The following TEX26 variants were observed in gnomAD, a reference collection of about 807,000 sequenced individuals.
TEX26 encodes testis expressed 26.
In TEX26, 34 loss-of-function variants were observed where a neutral mutation model predicts 35.3. That is an observed-to-expected ratio of 0.96 (90% CI 0.73 to 1.28). The LOEUF is 1.28. Among genes scored for constraint, TEX26 ranks in the 50% most tolerant of loss-of-function variants. TEX26 has a pLI of 0.00. For synonymous variants in TEX26, 136 were observed against 111.8 expected, an observed-to-expected ratio of 1.22 and a Z score of -1.36; for missense variants, 371 against 330.1, an observed-to-expected ratio of 1.12 and a Z score of -0.96.
At chr13:30,945,571 A>G (rs1042982042) in intron 2 of TEX26, among the ~76,000 whole-genome samples, 3 of 151,580 alleles carry the variant, frequency 2.0e-5, no homozygotes, top group African/African-American at 4.8e-5. Flanking sequence ...ATTCTGGTGT[A>G]TATTGACCTT....
chr13:30,958,898 T>A (rs371356336), intron 4 of TEX26, among the ~76,000 whole-genome samples: 51 of 152,322 alleles, frequency 3.3e-4, no homozygotes, highest in African/African-American at 1.2e-3. Flanking sequence ...CAGCCAATGT[T>A]TACTAAGCCC....
intron 3 of TEX26, 50 bp from the exon 4 acceptor site, chr13:30,956,823 A>C: frequency 6.6e-7 from 1 of 1,514,688 alleles, no homozygotes; most frequent in East Asian, 2.3e-5. Context: ...TATTGATCCT[A>C]TTGGGTGAAC....
rs571586073 is a variant in TEX26, at chr13:30,940,458, C to T, written c.146+680C>T. Reference sequence around the variant, plus strand: ...ACGCCATTCTCCTGCCTCAGCCTCCCGAGTAGCTGGGACTACAGGCGCCCG... The same window carrying T: ...ACGCCATTCTCCTGCCTCAGCCTCCTGAGTAGCTGGGACTACAGGCGCCCG... On this transcript the variant is annotated intron_variant, in intron 2 of 6. Transcript: ENST00000380473. 1.6e-3 allele frequency among the ~76,000 whole-genome samples: 243 copies of T among 150,470 alleles called. 2 individuals are homozygous for T. Among genetic ancestry groups the T allele is most frequent in the Non-Finnish European group, 1.9e-4 (13 of 67,706 alleles).
chr13:30,973,331 T>G (rs1049773223), intron 6 of TEX26: 1 of 152,212 alleles, frequency 6.6e-6, no homozygotes, highest in Non-Finnish European at 1.5e-5. Context: ...CTGGGAAAAC[T>G]TATCTTTGAT....
intron 2 of TEX26, among the ~76,000 whole-genome samples, chr13:30,940,364 C>CT (rs1215701131): frequency 3.7e-5 from 4 of 109,224 alleles, no homozygotes; most frequent in African/African-American, 1.4e-4. Flanking sequence ...GACAGAGTCT[C>CT]GCTCTGTCGC....
chr13:30,935,257 G>C (rs1356380830), intron 1 of TEX26, among the ~76,000 whole-genome samples: 3 of 152,262 alleles, frequency 2.0e-5, no homozygotes, highest in Non-Finnish European at 2.9e-5. Context: ...GAGGCAGACA[G>C]AGTCCTGGGT....
chr13:30,932,884 C>G lies in TEX26; in HGVS notation c.61+108C>G. 3 of 1,251,558 alleles carry G rather than the reference C, an allele frequency of 2.4e-6. No individual in the cohort carries two copies. In the South Asian group the frequency reaches 4.3e-5, roughly 18 times the overall value. 77.5% of individuals were successfully genotyped at this position (1,251,558 alleles called of 1,614,324 possible). ...TAGTATTTAAGGGTGTGGCATCGCT[C>G]TTAGGAGTATGCTCAACTGAGGAAA... On this transcript the variant is annotated intron_variant, in intron 1 of 6. Coordinates refer to ENST00000380473, the MANE Select transcript of TEX26 (RefSeq NM_152325.3).
chr13:30,954,454 T>C (rs1305415762), intron 3 of TEX26, among the ~76,000 whole-genome samples: 1 of 150,060 alleles, frequency 6.7e-6, no homozygotes. Context: ...TGTATTATTA[T>C]GTATAATTAG....
chr13:30,964,786 A>C (rs901795282), intron 4 of TEX26, among the ~76,000 whole-genome samples: 1 of 152,180 alleles, frequency 6.6e-6, no homozygotes, highest in Non-Finnish European at 1.5e-5. Context: ...AAGAGCGTGA[A>C]AGTGAGAGAG....
At chr13:30,957,713 G>A (rs937082494) in intron 4 of TEX26, among the ~76,000 whole-genome samples, 1 of 152,162 alleles carries the variant, frequency 6.6e-6, no homozygotes, top group African/African-American at 2.4e-5. Context: ...GGTGGCATGG[G>A]CACTTCAGTC....
intron 3 of TEX26, among the ~76,000 whole-genome samples, chr13:30,956,417 G>A (rs990052583): frequency 7.2e-5 from 11 of 151,948 alleles, no homozygotes; most frequent in Non-Finnish European, 1.6e-4. Context: ...GTCTATCATT[G>A]TTGGACATTT....
chr13:30,967,289 G>A (rs529903698), intron 5 of TEX26, among the ~76,000 whole-genome samples: 1 of 152,220 alleles, frequency 6.6e-6, no homozygotes, highest in Admixed American at 6.5e-5. Flanking sequence ...GGGTTAGAAG[G>A]TGGCCTAGAA....
At chr13:30,945,713 T>A (rs1443650027) in intron 2 of TEX26, among the ~76,000 whole-genome samples, 1 of 151,966 alleles carries the variant, frequency 6.6e-6, no homozygotes, top group East Asian at 1.9e-4. Context: ...TTTTTCTGGA[T>A]AAAAAATTCT....
At chr13:30,970,610 A>G (rs1954680306) in intron 6 of TEX26, among the ~76,000 whole-genome samples, 1 of 152,082 alleles carries the variant, frequency 6.6e-6, no homozygotes, top group Admixed American at 6.5e-5. Flanking sequence ...CATCTGTTGG[A>G]CCCTGTAGAA....
intron 2 of TEX26, among the ~76,000 whole-genome samples, chr13:30,940,666 A>G (rs1373927773): frequency 6.6e-6 from 1 of 152,138 alleles, no homozygotes; most frequent in Non-Finnish European, 1.5e-5. Context: ...ACTGGTAGGT[A>G]TGAAATCAGC....
intron 6 of TEX26, among the ~76,000 whole-genome samples, chr13:30,972,801 A>AT (rs1954758227): frequency 6.6e-6 from 1 of 152,106 alleles, no homozygotes; most frequent in Admixed American, 6.6e-5. Context: ...CGCCCAGCTA[A>AT]TTTTTTTGTA....
At chr13:30,945,165 T>C (rs967509084) in intron 2 of TEX26, among the ~76,000 whole-genome samples, 1 of 152,032 alleles carries the variant, frequency 6.6e-6, no homozygotes, top group Non-Finnish European at 1.5e-5. Flanking sequence ...TAATATCTTC[T>C]TGTTGGATTA....
At chr13:30,933,024 G>A (rs576641717) in intron 1 of TEX26, 3 of 426,556 alleles carry the variant, frequency 7.0e-6, no homozygotes, top group Non-Finnish European at 1.3e-5. Flanking sequence ...TTAAACACTC[G>A]AGGAAGTGCC....
At chr13:30,933,216 G>A (rs1182407506) in intron 1 of TEX26, 1 of 155,074 alleles carries the variant, frequency 6.4e-6, no homozygotes, top group Non-Finnish European at 1.4e-5. Flanking sequence ...GCTGCTGAAT[G>A]GAGTCCCAGC....
Sources: allele counts gnomAD v4.1 joint callset (sites outside exome capture counted in the v4.1 genomes callset), GRCh38; gene constraint gnomAD v4.1.1; transcripts MANE v1.5; gene names NCBI Gene and HGNC (gene_info 2026-07-23, HGNC 2026-07-21).